PHF21B: variants seen among roughly 807,000 people sequenced by gnomAD.
PHF21B encodes PHD finger protein 21B.
Under a neutral mutation model 62.2 loss-of-function variants are expected in PHF21B, and 22 were observed. That is an observed-to-expected ratio of 0.35 (90% CI 0.25 to 0.51). The LOEUF is 0.51. PHF21B is among the 20% of genes least tolerant of loss of function. The probability of loss-of-function intolerance (pLI) is 0.97; values close to 1 mark genes in which losing one functional copy is unlikely to be tolerated. For missense variants in PHF21B, 701 were observed against 707.9 expected (o/e 0.99, Z 0.11); for synonymous variants, 341 against 314.7 (o/e 1.08, Z -0.88).
Position 44,916,617 on chromosome 22 carries a change from G to A in PHF21B, c.227C>T (p.Thr76Ile). The change falls in exon 4 of 13, where the codon ACT (threonine) becomes ATT (isoleucine). Residue 76 changes from threonine (T) to isoleucine (I), a missense_variant. By Grantham distance (89) the Thr-to-Ile change is moderately conservative. Transcript: ENST00000313237. Reference sequence around the variant, plus strand: ...AACGGGGAGGCTGTCTGGAATCAGAGTCTTTGGCCTAACCTGGGAAGAAGG... The same window carrying A: ...AACGGGGAGGCTGTCTGGAATCAGAATCTTTGGCCTAACCTGGGAAGAAGG... ...AAVLPQVRPK[T>I]LIPDSLPVAP... is the part of the protein sequence containing the mutation. 1 of 1,601,858 alleles carries A rather than the reference G, an allele frequency of 6.2e-7. No homozygotes were observed. The highest frequency in any genetic ancestry group is 2.2e-5 in the East Asian group (1 of 44,874).
At chr22:44,949,584 G>A (rs193022870) in intron 2 of PHF21B, among the ~76,000 whole-genome samples, 2 of 152,258 alleles carry the variant, frequency 1.3e-5, no homozygotes, top group Admixed American at 6.5e-5. Flanking sequence ...CAAGTTTTGC[G>A]ACTCATCCTA....
At chr22:45,006,876 A>G (rs2073323821) in intron 2 of PHF21B, among the ~76,000 whole-genome samples, 1 of 151,500 alleles carries the variant, frequency 6.6e-6, no homozygotes, top group South Asian at 2.1e-4. Context: ...TTTTAAAGAA[A>G]GTATCTGATT....
chr22:44,920,286 C>G (rs752037502), intron 3 of PHF21B, 112 bp downstream of exon 3: 2 of 693,050 alleles, frequency 2.9e-6, no homozygotes, highest in South Asian at 2.7e-5. Flanking sequence ...TGAGAGGGCA[C>G]GAGTTCCGCC....
intron 2 of PHF21B, among the ~76,000 whole-genome samples, chr22:44,989,904 C>T (rs913897020): frequency 6.6e-6 from 1 of 152,208 alleles, no homozygotes; most frequent in Non-Finnish European, 1.5e-5. Context: ...GCCACCATGC[C>T]CAGCCGTGAG....
rs760635598 is a variant in PHF21B, at chr22:44,913,824, C to T, written c.829G>A (p.Glu277Lys). The stretch of plus-strand genomic sequence containing the variant: ...CCCTCCGGAGAGGCCTGTCCTACCT[C>T]GGGGTTCTCCTGGGTCGGGGGCCGG... ...EDRPPTQENP[E>K]KIAFMVALGL... is the part of the protein sequence containing the mutation. Residue 277 changes from glutamate to lysine, a missense_variant and splice_region_variant, in exon 5 of 13, where the codon GAG becomes AAG. By Grantham distance (56) the Glu-to-Lys change is moderately conservative. Transcript: ENST00000313237. 18 of 1,612,490 alleles carry T rather than the reference C, an allele frequency of 1.1e-5. No individual in the cohort carries two copies. In the East Asian group the frequency reaches 1.6e-4, roughly 14 times the overall value.
At chr22:44,958,006 G>C (rs1038870612) in intron 2 of PHF21B, among the ~76,000 whole-genome samples, 1 of 151,742 alleles carries the variant, frequency 6.6e-6, no homozygotes, top group African/African-American at 2.4e-5. Context: ...AGGTTCAAGC[G>C]ATTCTCCTGC....
Position 44,916,415 on chromosome 22 carries a change from C to T in PHF21B, c.429G>A (p.Leu143=). ...TGGCGTAGGCCACCCCCGCACTGCT[C>T]AGCGGAGAGGCGAGGGCGGCGGGCT... ...LAEPAALASP[L]SSAGVAYAII... is the part of the protein sequence containing the mutation. The change falls in exon 4 of 13, where the codon CTG becomes CTA. Residue 143 remains leucine, a synonymous_variant. Transcript: ENST00000313237. The T allele has an allele frequency of 6.3e-7, 1 of 1,597,586 alleles. No individual in the cohort carries two copies. The highest frequency in any genetic ancestry group is 8.5e-7 in the Non-Finnish European group (1 of 1,176,512).
chr22:44,918,682 A>T (rs9306487), intron 3 of PHF21B, among the ~76,000 whole-genome samples: 3,053 of 152,350 alleles, frequency 0.02, 110 homozygotes, highest in African/African-American at 0.07. Context: ...TTCTGGCCCA[A>T]GCTGACTGTC....
chr22:44,965,141 C>T (rs1038621328), intron 2 of PHF21B, among the ~76,000 whole-genome samples: 12 of 152,114 alleles, frequency 7.9e-5, no homozygotes, highest in Non-Finnish European at 1.2e-4. Flanking sequence ...AACAGCAGCC[C>T]GAAGACGGGC....
chr22:44,965,468 C>T (rs368281206), intron 2 of PHF21B, among the ~76,000 whole-genome samples: 13 of 151,568 alleles, frequency 8.6e-5, no homozygotes, highest in Non-Finnish European at 1.6e-4. Flanking sequence ...CTGCCACTTC[C>T]GACTTTTTCC....
At chr22:44,978,450 C>T (rs2072778778) in intron 2 of PHF21B, among the ~76,000 whole-genome samples, 1 of 152,238 alleles carries the variant, frequency 6.6e-6, no homozygotes, top group African/African-American at 2.4e-5. Flanking sequence ...ACCTCCGCTT[C>T]CCGGGTTCAA....
intron 1 of PHF21B, chr22:45,008,811 T>TCGGGGCAGCTCGCGGGG: frequency 8.5e-7 from 1 of 1,179,054 alleles, no homozygotes; most frequent in Non-Finnish European, 1.0e-6. Flanking sequence ...TGCCGCCTCA[T>TCGGGGCAGCTCGCGGGG]CGGGGCAGCT....
At chr22:44,946,987 G>A (rs1050449674) in intron 2 of PHF21B, among the ~76,000 whole-genome samples, 1 of 152,246 alleles carries the variant, frequency 6.6e-6, no homozygotes, top group African/African-American at 2.4e-5. Context: ...TAAGGGGGCT[G>A]CGGCCAATTG....
intron 2 of PHF21B, among the ~76,000 whole-genome samples, chr22:44,937,174 G>A (rs1048863197): frequency 3.9e-5 from 6 of 152,132 alleles, no homozygotes; most frequent in African/African-American, 1.4e-4. Context: ...CTGAACATTC[G>A]CTTCTGCTGA....
At chr22:44,919,172 T>C (rs1341149719) in intron 3 of PHF21B, among the ~76,000 whole-genome samples, 1 of 151,722 alleles carries the variant, frequency 6.6e-6, no homozygotes, top group Non-Finnish European at 1.5e-5. Flanking sequence ...GTGGCAAGTC[T>C]CCTCAGGGCT....
chr22:45,006,458 G>A (rs1342301633), intron 2 of PHF21B, among the ~76,000 whole-genome samples: 1 of 152,162 alleles, frequency 6.6e-6, no homozygotes, highest in African/African-American at 2.4e-5. Context: ...AAGGCAGCCC[G>A]GAGTCGGAGA....
At chr22:44,989,484 G>C (rs2073007701) in intron 2 of PHF21B, 1 of 151,708 alleles carries the variant, frequency 6.6e-6, no homozygotes, top group African/African-American at 2.4e-5. Context: ...GTTAGTTGTT[G>C]TTCATGAATG....
chr22:44,947,936 C>T (rs190192772), intron 2 of PHF21B, among the ~76,000 whole-genome samples: 61 of 130,028 alleles, frequency 4.7e-4, no homozygotes, highest in Admixed American at 2.8e-3. Flanking sequence ...AGACAATGAC[C>T]GCTGAGTTCA....
chr22:44,952,260 T>C (rs1244279206), intron 2 of PHF21B, among the ~76,000 whole-genome samples: 1 of 152,166 alleles, frequency 6.6e-6, no homozygotes, highest in Non-Finnish European at 1.5e-5. Context: ...GGAGAATCGC[T>C]TGAACTCGAG....
Sources: gnomAD v4.1 joint callset for allele counts (sites outside exome capture counted in the v4.1 genomes callset) on GRCh38, gnomAD v4.1.1 for gene constraint, MANE v1.5 for transcripts, NCBI Gene and HGNC (gene_info 2026-07-23, HGNC 2026-07-21) for gene names.